The following RANBP2 variants were observed in gnomAD, a reference collection of about 807,000 sequenced individuals.
RANBP2 encodes the protein RAN binding protein 2.
RANBP2 carries 57 observed loss-of-function variants against 303.6 expected under a neutral mutation model. The ratio of observed to expected loss-of-function variants is 0.19; its 90% CI spans 0.15 to 0.23. The LOEUF is 0.23. RANBP2 is among the 10% of genes least tolerant of loss of function. The pLI, the probability that RANBP2 is intolerant of heterozygous loss-of-function variation, is 1.00. For missense variants in RANBP2, 3,138 were observed against 3,780.8 expected (o/e 0.83, Z 4.46); for synonymous variants, 1,167 against 1,301.5 (o/e 0.90, Z 2.23).
chr2:109,179,003 A>ATGTGTGTGTGTGTGTGTGTGTG, the RANBP2 span, among the ~76,000 whole-genome samples: 16 of 142,178 alleles, frequency 1.1e-4, no homozygotes, highest in South Asian at 2.3e-4. Context: ...AAGTATAATA[A>ATGTGTGTGTGTGTGTGTGTGTG]TGTGTGTGTG....
the RANBP2 span, among the ~76,000 whole-genome samples, chr2:109,173,332 C>T: frequency 6.6e-6 from 1 of 152,114 alleles, no homozygotes; most frequent in Admixed American, 6.5e-5. Context: ...CCTTCCTGTG[C>T]TCTGCCCGTT....
At chr2:109,056,376 TTAGGC>T in the RANBP2 span, among the ~76,000 whole-genome samples, 1 of 151,658 alleles carries the variant, frequency 6.6e-6, no homozygotes, top group Non-Finnish European at 1.5e-5. Context: ...ATTATGCTGC[TTAGGC>T]TAGATTCGAA....
At chr2:109,050,191 TA>T in the RANBP2 span, among the ~76,000 whole-genome samples, 1 of 152,252 alleles carries the variant, frequency 6.6e-6, no homozygotes, top group Non-Finnish European at 1.5e-5. Context: ...CATGTTGGAA[TA>T]ATGTCACTTT....
the RANBP2 span, among the ~76,000 whole-genome samples, chr2:108,810,051 C>T: frequency 6.6e-6 from 1 of 152,310 alleles, no homozygotes; most frequent in African/African-American, 2.4e-5. Flanking sequence ...GGTGATCCGC[C>T]TGCCTCGGCC....
chr2:109,684,245 C>CT, the RANBP2 span, among the ~76,000 whole-genome samples: 2 of 87,140 alleles, frequency 2.3e-5, no homozygotes, highest in African/African-American at 8.6e-5. Flanking sequence ...CCCGGTCTTA[C>CT]TTTTTTTTTT....
At chr2:109,117,569 T>C in the RANBP2 span, among the ~76,000 whole-genome samples, 88 of 152,360 alleles carry the variant, frequency 5.8e-4, 2 homozygotes, top group East Asian at 0.014. Flanking sequence ...AGGGAACTCC[T>C]TGACCCCTTG....
chr2:109,038,964 A>G, the RANBP2 span, among the ~76,000 whole-genome samples: 1 of 152,258 alleles, frequency 6.6e-6, no homozygotes, highest in Admixed American at 6.5e-5. Context: ...CCAATTGGCT[A>G]GGCTATGGTA....
chr2:109,416,508 C>T, the RANBP2 span, among the ~76,000 whole-genome samples: 5 of 152,258 alleles, frequency 3.3e-5, no homozygotes, highest in South Asian at 1.0e-3. Flanking sequence ...CCTCAGCCTC[C>T]CCAGTAGCTG....
chr2:109,580,589 C>T, the RANBP2 span, among the ~76,000 whole-genome samples: 1 of 152,238 alleles, frequency 6.6e-6, no homozygotes, highest in South Asian at 2.1e-4. Context: ...CTACAAAATA[C>T]TGCAGGTCCT....
chr2:109,318,591 C>G, the RANBP2 span, among the ~76,000 whole-genome samples: 8 of 152,224 alleles, frequency 5.3e-5, no homozygotes, highest in African/African-American at 1.4e-4. Flanking sequence ...GTAGAGCCAG[C>G]TCCTGAGGGG....
At chr2:108,755,917 T>A (rs965266099) in intron 17 of RANBP2, among the ~76,000 whole-genome samples, 2 of 151,956 alleles carry the variant, frequency 1.3e-5, no homozygotes, top group Admixed American at 1.3e-4. Flanking sequence ...AGACACAGAG[T>A]TTCACCATGT....
the RANBP2 span, among the ~76,000 whole-genome samples, chr2:109,319,129 C>T: frequency 6.6e-6 from 1 of 152,186 alleles, no homozygotes; most frequent in Admixed American, 6.5e-5. Flanking sequence ...GCACTCCCAT[C>T]TCTGCCTAGA....
the RANBP2 span, among the ~76,000 whole-genome samples, chr2:108,950,558 A>G: frequency 4.5e-3 from 681 of 152,344 alleles, 6 homozygotes; most frequent in African/African-American, 0.015. Context: ...TTCTGACATG[A>G]TGTAGCTGAA....
chr2:109,484,702 T>C, the RANBP2 span, among the ~76,000 whole-genome samples: 1 of 152,288 alleles, frequency 6.6e-6, no homozygotes, highest in East Asian at 1.9e-4. Flanking sequence ...AGTGATGCAA[T>C]AAATCAAATA....
the RANBP2 span, among the ~76,000 whole-genome samples, chr2:109,063,630 TG>T: frequency 2.0e-5 from 3 of 152,184 alleles, no homozygotes; most frequent in African/African-American, 7.2e-5. Context: ...TGCAGGCACC[TG>T]GGTACACACA....
the RANBP2 span, chr2:109,585,336 G>C: frequency 6.3e-7 from 1 of 1,579,170 alleles, no homozygotes; most frequent in South Asian, 1.2e-5. Context: ...AACACACAAA[G>C]GTACATCTTT....
the RANBP2 span, chr2:109,614,943 G>T: frequency 6.6e-7 from 1 of 1,518,332 alleles, no homozygotes; most frequent in South Asian, 1.2e-5. Flanking sequence ...GAGCGCCGGG[G>T]CTCGCAGGAA....
intron 19 of RANBP2, 63 bp from the exon 20 acceptor site, chr2:108,763,174 T>C: frequency 6.5e-7 from 1 of 1,549,158 alleles, no homozygotes. Context: ...AGAATTGGTT[T>C]GCATTTAGTT....
the RANBP2 span, among the ~76,000 whole-genome samples, chr2:108,888,348 G>T: frequency 1.3e-5 from 2 of 152,012 alleles, no homozygotes; most frequent in Admixed American, 6.5e-5. Context: ...TTATGTCTTT[G>T]TCTGGTTTTG....
Sources: allele counts gnomAD v4.1 joint callset (sites outside exome capture counted in the v4.1 genomes callset), GRCh38; gene constraint gnomAD v4.1.1; transcripts MANE v1.5; gene names NCBI Gene and HGNC (gene_info 2026-07-23, HGNC 2026-07-21).